CNTN2: variants seen among roughly 807,000 people sequenced by gnomAD.
CNTN2 encodes contactin-2.
CNTN2 carries 53 observed loss-of-function variants against 117.5 expected under a neutral mutation model. That is an observed-to-expected ratio of 0.45 (90% confidence interval 0.36 to 0.57). The LOEUF is 0.57. Ranked by LOEUF, CNTN2 falls within the 20% of genes least tolerant of loss-of-function variation. The pLI is 0.00. For synonymous variants in CNTN2, 530 were observed against 561.7 expected (o/e 0.94, Z 0.80); for missense variants, 1,106 against 1,404.3 (o/e 0.79, Z 3.39).
chr1:205,070,209 C>T, intron 18 of CNTN2, 148 bp downstream of exon 18: 1 of 804,394 alleles, frequency 1.2e-6, no homozygotes, highest in Non-Finnish European at 2.0e-6. Context: ...GGCCTCACTT[C>T]CAGCTCTTGC....
At position 205,070,073 on chromosome 1, in the gene CNTN2, C is replaced by G. The variant is rs1436970258; in HGVS notation, c.2431+12C>G. Reference sequence around the variant, plus strand: ...CTCAGCTGAGGAAGGTGGGCTGCCCCTGGGCCCCCTGCTCGTCCCTACCCC... The same window carrying G: ...CTCAGCTGAGGAAGGTGGGCTGCCCGTGGGCCCCCTGCTCGTCCCTACCCC... On this transcript the variant is annotated intron_variant, in intron 18 of 22. Transcript: ENST00000331830. 3 of 1,611,680 alleles carry G rather than the reference C, an allele frequency of 1.9e-6. No homozygotes were observed. In the South Asian group the frequency reaches 3.3e-5, roughly 18 times the overall value.
At position 205,058,529 on chromosome 1, in the gene CNTN2, CAGG is replaced by C. The variant is rs765748170; in HGVS notation, c.392-34_392-32del. 2 of 1,599,734 alleles carry C rather than the reference CAGG, an allele frequency of 1.3e-6. No homozygotes were observed. The highest frequency in any genetic ancestry group is 4.5e-5 in the East Asian group (2 of 44,754). On this transcript the variant is annotated intron_variant, in intron 4 of 22. Transcript: ENST00000331830. This position sits in a 1 kb window ranked among gnomAD's most constrained non-coding sequence, Gnocchi z 4.3. ...ATGAGTCGGGGAGGGGCTCGCAGGC[CAGG>C]AGGACAGTGCCTGAGCCCCTGGTCT...
intron 18 of CNTN2, 155 bp downstream of exon 18, chr1:205,070,216 T>G (rs1654520823): frequency 1.3e-6 from 1 of 785,810 alleles, no homozygotes; most frequent in African/African-American, 1.7e-5. Flanking sequence ...CTTCCAGCTC[T>G]TGCTACCTTG....
Position 205,070,529 on chromosome 1 carries a change from G to T in CNTN2, c.2535G>T (p.Leu845=), listed in dbSNP as rs1422827969. 6.2e-7 allele frequency: 1 copy of T among 1,612,922 alleles called. No homozygotes were observed. The change falls in exon 19 of 23, where the codon CTG becomes CTT. Residue 845 remains leucine, a synonymous_variant. Coordinates refer to ENST00000331830, the MANE Select transcript of CNTN2 (RefSeq NM_005076.5). The part of the protein sequence containing the change: ...PVQQDMNGIL[L]GYEIRYWKAG... ...AGCAGGACATGAATGGTATCCTCCT[G>T]GGGTATGAGGTGAGCACCAACCTGG... is the stretch of plus-strand genomic sequence containing the variant.
intron 2 of CNTN2, among the ~76,000 whole-genome samples, chr1:205,053,765 C>T (rs1272590785): frequency 6.6e-6 from 1 of 152,242 alleles, no homozygotes; most frequent in East Asian, 1.9e-4. Flanking sequence ...GCTCTGTAGT[C>T]CCCTGACATG....
At chr1:205,069,694 G>T in intron 17 of CNTN2, 133 bp downstream of exon 17, 4 of 1,390,180 alleles carry the variant, frequency 2.9e-6, no homozygotes, top group Non-Finnish European at 3.0e-6. Flanking sequence ...CGCACCCGCT[G>T]CCCCTTACGC....
intron 10 of CNTN2, among the ~76,000 whole-genome samples, 196 bp from the exon 11 acceptor site, chr1:205,064,126 A>AGGGGGGGGGGTGGGGGGGGGGGGG (rs11329962): frequency 1.1e-5 from 1 of 94,370 alleles, no homozygotes. Flanking sequence ...TGAGGGGCGG[A>AGGGGGGGGGGTGGGGGGGGGGGGG]GGGGGGGCGC....
At chr1:205,066,259 A>G in intron 14 of CNTN2, 182 bp from the exon 15 acceptor site, 1 of 683,848 alleles carries the variant, frequency 1.5e-6, no homozygotes, top group East Asian at 2.8e-5. Context: ...CCTCCACCCA[A>G]CAACTGGCAC....
Position 205,048,342 on chromosome 1 carries a change from CCA to C in CNTN2, c.-86-4756_-86-4755del, listed in dbSNP as rs2096445410. ...GAAAACCTTGTCGTGTGTTGGAGCC[CCA>C]CTCATAGCCTTCTGTCCCCCAGCTG... On this transcript the variant is annotated intron_variant, in intron 1 of 22. Coordinates refer to ENST00000331830, the MANE Select transcript of CNTN2 (RefSeq NM_005076.5). This position sits in a 1 kb window ranked among gnomAD's most constrained non-coding sequence, Gnocchi z 4.1. 6.6e-6 allele frequency among the ~76,000 whole-genome samples: 1 copy of C among 152,132 alleles called. No individual in the cohort carries two copies. Among genetic ancestry groups the C allele is most frequent in the African/African-American group, 2.4e-5 (1 of 41,412 alleles).
intron 1 of CNTN2, among the ~76,000 whole-genome samples, chr1:205,047,515 T>C (rs1370388458): frequency 2.0e-5 from 3 of 151,924 alleles, no homozygotes; most frequent in African/African-American, 4.8e-5. Flanking sequence ...TGCTTGGGAG[T>C]GCCTGTCCTG....
chr1:205,058,490 C>A lies in CNTN2; in HGVS notation c.392-78C>A. The A allele has an allele frequency of 6.4e-7, 1 of 1,565,108 alleles. No individual in the cohort carries two copies. The highest frequency in any genetic ancestry group is 8.8e-7 in the Non-Finnish European group (1 of 1,140,688). On this transcript the variant is annotated intron_variant, in intron 4 of 22. Coordinates refer to ENST00000331830, the MANE Select transcript of CNTN2 (RefSeq NM_005076.5). This position sits in a 1 kb window ranked among gnomAD's most constrained non-coding sequence, Gnocchi z 4.3. Reference sequence around the variant, plus strand: ...CATGACATGCCTTAGTGAACTGCTGCTTCTCCGTGAAGGATGAGTCGGGGA... The same window carrying A: ...CATGACATGCCTTAGTGAACTGCTGATTCTCCGTGAAGGATGAGTCGGGGA...
In CNTN2 at chr1:205,061,825, T is replaced by TC. The variant is rs774296665; in HGVS notation, c.974-38dup. On this transcript the variant is annotated intron_variant, in intron 8 of 22. Transcript: ENST00000331830. This position sits in a 1 kb window ranked among gnomAD's most constrained non-coding sequence, Gnocchi z 4.8. ...TTCCTTTTAATGAGCTGGAAGCTCC[T>TC]CCTAGCTCATGCCAGGTTTTCTTTT... The TC allele has an allele frequency of 5.3e-6, 8 of 1,503,210 alleles. No individual in the cohort carries two copies. Among genetic ancestry groups the TC allele is most frequent in the Non-Finnish European group, 7.1e-6 (8 of 1,125,778 alleles). 93.1% of individuals were successfully genotyped at this position (1,503,210 alleles called of 1,614,324 possible). A position where few individuals can be genotyped will look rare whatever the true frequency, so the allele number is the denominator to read the frequency against.
Position 205,053,268 on chromosome 1 carries a change from A to T in CNTN2, c.70+13A>T. On this transcript the variant is annotated intron_variant, in intron 2 of 22. Transcript: ENST00000331830. ...GTCTCCTCTTCAGGTAAGAGGGCTC[A>T]TCTGGGCTTTGAAGCCTAGCAGGCA... 6.2e-7 allele frequency: 1 copy of T among 1,609,266 alleles called. No homozygotes were observed. Among genetic ancestry groups the T allele is most frequent in the Non-Finnish European group, 8.5e-7 (1 of 1,177,038 alleles).
Position 205,073,585 on chromosome 1 carries a change from T to A in CNTN2, c.3014-71T>A. The A allele has an allele frequency of 7.2e-7, 1 of 1,393,260 alleles. No homozygotes were observed. The highest frequency in any genetic ancestry group is 1.0e-6 in the Non-Finnish European group (1 of 1,000,708). 86.3% of individuals were successfully genotyped at this position (1,393,260 alleles called of 1,614,324 possible). ...GCCCTGTGAGTCTCCTTAGGAAAGGTCTCAATCTTGCCACAAGGGTGGGGC... is the reference window on the plus strand; with the variant it reads ...GCCCTGTGAGTCTCCTTAGGAAAGGACTCAATCTTGCCACAAGGGTGGGGC... On this transcript the variant is annotated intron_variant, in intron 22 of 22. Transcript: ENST00000331830. This position sits in a 1 kb window ranked among gnomAD's most constrained non-coding sequence, Gnocchi z 6.3.
At chr1:205,055,289 C>G (rs2096459247) in intron 2 of CNTN2, among the ~76,000 whole-genome samples, 1 of 152,160 alleles carries the variant, frequency 6.6e-6, no homozygotes, top group Non-Finnish European at 1.5e-5. Flanking sequence ...GCTGGGATTA[C>G]AGGCAGAGAG....
rs889591044 is a variant in CNTN2, at chr1:205,061,756, C to T, written c.974-109C>T. 45 of 1,345,906 alleles carry T rather than the reference C, an allele frequency of 3.3e-5. No individual in the cohort carries two copies. The highest frequency in any genetic ancestry group is 1.8e-4 in the Admixed American group (7 of 39,460). The allele number at this position is 1,345,906 out of a possible 1,614,324, so 83.4% of individuals were successfully genotyped here. On this transcript the variant is annotated intron_variant, in intron 8 of 22. Coordinates refer to ENST00000331830, the MANE Select transcript of CNTN2 (RefSeq NM_005076.5). This position sits in a 1 kb window ranked among gnomAD's most constrained non-coding sequence, Gnocchi z 4.8. ...CCTCTCCATCTCAGAATGCTCATGG[C>T]GCCCTCTGCTGTCTGGCACAGGTGC...
chr1:205,071,817 C>G, intron 19 of CNTN2, 130 bp from the exon 20 acceptor site: 1 of 812,364 alleles, frequency 1.2e-6, no homozygotes, highest in Non-Finnish European at 1.9e-6. Flanking sequence ...GATCTAGTCT[C>G]CAGGTTCTGA....
rs1161864937 is a variant in CNTN2 at position 205,065,330 on chromosome 1, C to T, written c.1695+68C>T. 40 of 1,537,534 alleles carry T rather than the reference C, an allele frequency of 2.6e-5. No homozygotes were observed. The highest frequency in any genetic ancestry group is 3.4e-5 in the Non-Finnish European group (38 of 1,122,700). On this transcript the variant is annotated intron_variant, in intron 13 of 22. Coordinates refer to ENST00000331830, the MANE Select transcript of CNTN2 (RefSeq NM_005076.5). This position sits in a 1 kb window ranked among gnomAD's most constrained non-coding sequence, Gnocchi z 4.1. Reference sequence around the variant, plus strand: ...AGAGAGACAGGGGCCCCAAGATGTCCTTAGCCATCCTCACCTTTAAGAAAC... The same window carrying T: ...AGAGAGACAGGGGCCCCAAGATGTCTTTAGCCATCCTCACCTTTAAGAAAC...
chr1:205,058,105 C>G lies in CNTN2; in HGVS notation c.215+40C>G, dbSNP rs766232696. 5.0e-6 allele frequency: 8 copies of G among 1,605,570 alleles called. No homozygotes were observed. The highest frequency in any genetic ancestry group is 1.3e-5 in the African/African-American group (1 of 74,780). Reference sequence around the variant, plus strand: ...GTGGGTGCTGGGAGGCCCTGGGCAGCCGTTGAACTTTCCCTCTCATCAGCC... The same window carrying G: ...GTGGGTGCTGGGAGGCCCTGGGCAGGCGTTGAACTTTCCCTCTCATCAGCC... On this transcript the variant is annotated intron_variant, in intron 3 of 22. Coordinates refer to ENST00000331830, the MANE Select transcript of CNTN2 (RefSeq NM_005076.5). The surrounding 1 kb of genome is among the most constrained non-coding windows in gnomAD (Gnocchi z 4.3).
Sources: allele counts gnomAD v4.1 joint callset (sites outside exome capture counted in the v4.1 genomes callset), GRCh38; gene constraint gnomAD v4.1.1; non-coding constraint Gnocchi (gnomAD v3.1); transcripts MANE v1.5; gene names NCBI Gene and HGNC (gene_info 2026-07-23, HGNC 2026-07-21).